CADM2: variants seen among roughly 807,000 people sequenced by gnomAD.
CADM2 encodes immunoglobulin superfamily member 4D.
In CADM2, 12 loss-of-function variants were observed where a neutral mutation model predicts 49.8. The ratio of observed to expected loss-of-function variants is 0.24; its 90% CI spans 0.15 to 0.39. CADM2 has a LOEUF of 0.39. CADM2 is among the 10% of genes least tolerant of loss of function. The pLI is 1.00. For synonymous variants in CADM2, 214 were observed against 175.4 expected (o/e 1.22, Z -1.74); for missense variants, 378 against 492.3 (o/e 0.77, Z 2.20).
Position 85,109,413 on chromosome 3 carries a change from G to A in CADM2, c.61+149745G>A, listed in dbSNP as rs144554615. On this transcript the variant is annotated intron_variant, in intron 1 of 9. Transcript: ENST00000383699. ...AGAGAGAGAGAGAAAGACATCATCA[G>A]GCATAAACTGAGGCTAATTTTGAAA... is the stretch of plus-strand genomic sequence containing the variant. Among the ~76,000 whole-genome samples, 428 of 151,852 alleles carry A rather than the reference G, an allele frequency of 2.8e-3. 2 individuals carry two copies. Among genetic ancestry groups the A allele is most frequent in the African/African-American group, 9.9e-3 (410 of 41,464 alleles).
chr3:85,127,543 T>C (rs1019117421), intron 1 of CADM2, among the ~76,000 whole-genome samples: 19 of 152,330 alleles, frequency 1.2e-4, no homozygotes, highest in African/African-American at 3.4e-4. Context: ...AGATTACTTT[T>C]TTAAAGTCGT....
At chr3:85,487,318 A>G (rs1363417757) in intron 1 of CADM2, among the ~76,000 whole-genome samples, 1 of 152,174 alleles carries the variant, frequency 6.6e-6, no homozygotes, top group Non-Finnish European at 1.5e-5. Context: ...GTTCAAAACG[A>G]TACTGGGCAG....
chr3:85,296,206 A>G (rs1169360997), intron 1 of CADM2, among the ~76,000 whole-genome samples: 1 of 152,070 alleles, frequency 6.6e-6, no homozygotes, highest in Non-Finnish European at 1.5e-5. Context: ...ACAAATGATG[A>G]CTTTGAGAAA....
intron 6 of CADM2, among the ~76,000 whole-genome samples, chr3:85,932,792 A>C (rs370294171): frequency 5.9e-5 from 9 of 152,176 alleles, no homozygotes; most frequent in African/African-American, 2.2e-4. Flanking sequence ...GGAGCTAATC[A>C]ACACTTTGAA....
At chr3:85,604,229 C>A (rs1453767799) in intron 1 of CADM2, among the ~76,000 whole-genome samples, 1 of 151,770 alleles carries the variant, frequency 6.6e-6, no homozygotes, top group East Asian at 1.9e-4. Flanking sequence ...GGGAACTAGG[C>A]AGAGTAAATG....
intron 3 of CADM2, among the ~76,000 whole-genome samples, chr3:85,833,044 C>A (rs2074250998): frequency 6.6e-6 from 1 of 151,896 alleles, no homozygotes; most frequent in South Asian, 2.1e-4. Context: ...AAAGCATTTT[C>A]TGCATCTATT....
intron 8 of CADM2, among the ~76,000 whole-genome samples, chr3:86,036,094 G>A (rs1257283366): frequency 1.3e-5 from 2 of 152,076 alleles, no homozygotes; most frequent in South Asian, 2.1e-4. Flanking sequence ...TGCTTTGGAT[G>A]TTAGGGATTC....
chr3:85,521,624 GC>G (rs2061027454), intron 1 of CADM2, among the ~76,000 whole-genome samples: 2 of 152,102 alleles, frequency 1.3e-5, no homozygotes, highest in Non-Finnish European at 2.9e-5. Flanking sequence ...GATTTTTAAA[GC>G]CCCTTAATTA....
At chr3:85,344,012 C>A (rs977947569) in intron 1 of CADM2, among the ~76,000 whole-genome samples, 1 of 152,080 alleles carries the variant, frequency 6.6e-6, no homozygotes, top group African/African-American at 2.4e-5. Context: ...AGAGACAAGT[C>A]ATGGTTAGAC....
At chr3:85,771,813 T>C (rs1436056042) in intron 2 of CADM2, among the ~76,000 whole-genome samples, 2 of 152,058 alleles carry the variant, frequency 1.3e-5, no homozygotes, top group African/African-American at 2.4e-5. Flanking sequence ...AGATGGCCGA[T>C]CTATAATGAG....
intron 1 of CADM2, among the ~76,000 whole-genome samples, chr3:84,977,834 C>T (rs1001908585): frequency 1.3e-5 from 2 of 151,998 alleles, no homozygotes; most frequent in African/African-American, 2.4e-5. Flanking sequence ...GCAGTGTCTA[C>T]GTTTAATTCC....
At chr3:85,292,270 A>C in intron 1 of CADM2, among the ~76,000 whole-genome samples, 1 of 149,364 alleles carries the variant, frequency 6.7e-6, no homozygotes, top group South Asian at 2.1e-4. Context: ...CCAATACAAG[A>C]GCACCCAGAT....
chr3:84,962,579 A>G (rs998477626), intron 1 of CADM2, among the ~76,000 whole-genome samples: 1 of 152,106 alleles, frequency 6.6e-6, no homozygotes, highest in African/African-American at 2.4e-5. Flanking sequence ...GGGTCTTTCT[A>G]TGTGCGGGGA....
chr3:85,528,069 C>T (rs955918289), intron 1 of CADM2, among the ~76,000 whole-genome samples: 46 of 152,130 alleles, frequency 3.0e-4, no homozygotes, highest in Admixed American at 2.6e-3. Flanking sequence ...CTTTTGCCAC[C>T]ATCTCGCAAG....
In CADM2 at chr3:85,842,140, C is replaced by A. The variant is rs555263631; in HGVS notation, c.238+39944C>A. ...CAAGAAAACATTCACCATGAACTCT[C>A]GTGATTAGTTTCTTTGTGTATTGCT... On this transcript the variant is annotated intron_variant, in intron 3 of 9. Coordinates refer to ENST00000383699, the MANE Select transcript of CADM2 (RefSeq NM_001167675.2). 1.5e-3 allele frequency among the ~76,000 whole-genome samples: 221 copies of A among 152,172 alleles called. 3 individuals are homozygous for A. The highest frequency in any genetic ancestry group is 5.2e-3 in the African/African-American group (218 of 41,552).
At chr3:85,118,930 G>A (rs1047402800) in intron 1 of CADM2, among the ~76,000 whole-genome samples, 2 of 151,902 alleles carry the variant, frequency 1.3e-5, no homozygotes, top group African/African-American at 4.8e-5. Context: ...TGTATTTTTA[G>A]TAGAGACAGG....
intron 3 of CADM2, among the ~76,000 whole-genome samples, chr3:85,875,648 A>T (rs1356074266): frequency 6.6e-6 from 1 of 152,176 alleles, no homozygotes; most frequent in Admixed American, 6.6e-5. Context: ...TGAAAAAAAC[A>T]TGGCTAGCAG....
At chr3:85,372,944 G>A (rs1007703086) in intron 1 of CADM2, among the ~76,000 whole-genome samples, 4 of 151,992 alleles carry the variant, frequency 2.6e-5, no homozygotes, top group African/African-American at 9.7e-5. Flanking sequence ...TCTCTCCCGT[G>A]GACACATGGG....
rs1174282081 is a variant in CADM2 at position 85,563,409 on chromosome 3, T to TG, written c.62-163112dup. 9.3e-4 allele frequency among the ~76,000 whole-genome samples: 76 copies of TG among 81,458 alleles called. 2 individuals are homozygous for TG. The highest frequency in any genetic ancestry group is 2.2e-3 in the African/African-American group (74 of 33,240). 53.4% of individuals were successfully genotyped at this position (81,458 alleles called of 152,430 possible). A position where few individuals can be genotyped will look rare whatever the true frequency, so the allele number is the denominator to read the frequency against. On this transcript the variant is annotated intron_variant, in intron 1 of 9. Transcript: ENST00000383699. The stretch of plus-strand genomic sequence containing the variant: ...CAAAAACAGGGAATTTTTGTGTGTG[T>TG]GTGGGGGGGTGGTAATTTAGCTAAA...
Sources: allele counts gnomAD v4.1 joint callset (sites outside exome capture counted in the v4.1 genomes callset), GRCh38; gene constraint gnomAD v4.1.1; transcripts MANE v1.5; gene names NCBI Gene and HGNC (gene_info 2026-07-23, HGNC 2026-07-21).